CNGA4: variants seen among roughly 807,000 people sequenced by gnomAD.
The protein encoded by CNGA4 is cyclic nucleotide gated channel subunit alpha 4.
CNGA4 carries 32 observed loss-of-function variants against 45.6 expected under a neutral mutation model. That is an observed-to-expected ratio of 0.70 (90% CI 0.53 to 0.94). CNGA4 has a LOEUF of 0.94. CNGA4 is among the 40% of genes least tolerant of loss of function. The probability of loss-of-function intolerance (pLI) is 0.00; values close to 1 mark genes in which losing one functional copy is unlikely to be tolerated. For missense variants in CNGA4, 726 were observed against 755.1 expected, an observed-to-expected ratio of 0.96 and a Z score of 0.45; for synonymous variants, 293 against 304.6, an observed-to-expected ratio of 0.96 and a Z score of 0.40.
intron 5 of CNGA4, among the ~76,000 whole-genome samples, chr11:6,242,257 A>C (rs974048969): frequency 6.6e-6 from 1 of 152,098 alleles, no homozygotes. Context: ...AACGTCGCAC[A>C]GGTATACACA....
Position 6,244,332 on chromosome 11 carries a change from G to A in CNGA4, c.1651G>A (p.Glu551Lys), listed in dbSNP as rs1391998527. The change falls in exon 6 of 6, where the codon GAG becomes AAG. Residue 551 changes from glutamate (E) to lysine (K), a missense_variant. By Grantham distance (56) the Glu-to-Lys change is moderately conservative (BLOSUM62 1). Transcript: ENST00000379936. The surrounding 1 kb of genome is among the most constrained non-coding windows in gnomAD (Gnocchi z 4.5). Reference sequence around the variant, plus strand: ...CGAGGACCTGGCTGAGGCTGATGACGAGGGTGAGCCTGAGGAGGGAACTTC... The same window carrying A: ...CGAGGACCTGGCTGAGGCTGATGACAAGGGTGAGCCTGAGGAGGGAACTTC... The part of the protein sequence containing the change: ...MPEDLAEADD[E>K]GEPEEGTSKD... 9.9e-6 allele frequency: 16 copies of A among 1,614,126 alleles called. No individual in the cohort carries two copies. Among genetic ancestry groups the A allele is most frequent in the East Asian group, 8.9e-5 (4 of 44,872 alleles).
chr11:6,239,850 TAAG>T, intron 3 of CNGA4, 60 bp downstream of exon 3: 1 of 1,530,474 alleles, frequency 6.5e-7, no homozygotes, highest in Non-Finnish European at 8.9e-7. Flanking sequence ...GATAGCCACT[TAAG>T]AAGTAACAAG....
At chr11:6,236,494 G>A (rs1298671116), upstream of CNGA4, among the ~76,000 whole-genome samples, 4 of 152,104 alleles carry the variant, frequency 2.6e-5, no homozygotes, top group Non-Finnish European at 4.4e-5. Context: ...ATGATTGGGT[G>A]GATATAAGAG....
chr11:6,239,600 G>A, intron 2 of CNGA4, 84 bp from the exon 3 acceptor site: 4 of 1,555,804 alleles, frequency 2.6e-6, no homozygotes, highest in Non-Finnish European at 2.7e-6. Context: ...GGGAGGGCCT[G>A]AGGCAGAGGG....
chr11:6,237,111 G>A (rs192602419), upstream of CNGA4, among the ~76,000 whole-genome samples: 116 of 152,254 alleles, frequency 7.6e-4, no homozygotes, highest in African/African-American at 2.5e-3. Flanking sequence ...CAGACAACAC[G>A]CATTCCAAGA....
intron 5 of CNGA4, among the ~76,000 whole-genome samples, chr11:6,243,165 C>G (rs1458273543): frequency 6.6e-6 from 1 of 152,196 alleles, no homozygotes; most frequent in Admixed American, 6.5e-5. Context: ...CCCTCCTCCC[C>G]CTAGTTACCT....
At position 6,240,746 on chromosome 11, in the gene CNGA4, C is replaced by T. The variant is rs759205314; in HGVS notation, c.917+35C>T. 43 of 1,592,832 alleles carry T rather than the reference C, an allele frequency of 2.7e-5. No homozygotes were observed. The Admixed American group carries it at 6.8e-4, about 25-fold the overall frequency. The stretch of plus-strand genomic sequence containing the variant: ...CGGGGTTCCAGACCAGGACAGGGAC[C>T]AGTGTAGGTGATGGAACCTGAGGGA... On this transcript the variant is annotated intron_variant, in intron 4 of 5. Transcript: ENST00000379936. The surrounding 1 kb of genome is among the most constrained non-coding windows in gnomAD (Gnocchi z 4.9).
chr11:6,240,944 A>G lies in CNGA4; in HGVS notation c.917+233A>G, dbSNP rs960136917. ...ATAGGGAGAGGAGCTCATACTCAAA[A>G]AAGGATAATATGGAGACCAGGGAAT... is the stretch of plus-strand genomic sequence containing the variant. On this transcript the variant is annotated intron_variant, in intron 4 of 5. Transcript: ENST00000379936. This position sits in a 1 kb window ranked among gnomAD's most constrained non-coding sequence, Gnocchi z 4.9. Among the ~76,000 whole-genome samples, 5 of 152,154 alleles carry G rather than the reference A, an allele frequency of 3.3e-5. No individual in the cohort carries two copies. Among genetic ancestry groups the G allele is most frequent in the Non-Finnish European group, 7.4e-5 (5 of 68,022 alleles).
Position 6,244,416 on chromosome 11 carries a change from C to T in CNGA4, c.*7C>T, listed in dbSNP as rs1429548117. ...ACCCCCAGGTCCAGAGTGACCCCAT[C>T]CCCATCCCCAGGATTCCCACCTCCT... On this transcript the variant is annotated 3_prime_UTR_variant, in exon 6 of 6. Coordinates refer to ENST00000379936, the MANE Select transcript of CNGA4 (RefSeq NM_001037329.4). This position sits in a 1 kb window ranked among gnomAD's most constrained non-coding sequence, Gnocchi z 4.5. 2.5e-6 allele frequency: 4 copies of T among 1,599,344 alleles called. 1 individual carries two copies. The South Asian group carries it at 4.5e-5, about 18-fold the overall frequency.
upstream of CNGA4, chr11:6,238,931 C>A (rs565699681): frequency 3.5e-5 from 18 of 515,512 alleles, no homozygotes; most frequent in African/African-American, 3.1e-4. Context: ...GCATGCACCC[C>A]CACCTTCTCC....
At position 6,241,404 on chromosome 11, in the gene CNGA4, AG is replaced by A. The variant is rs750603615; in HGVS notation, c.918-25del. 8 of 1,536,038 alleles carry A rather than the reference AG, an allele frequency of 5.2e-6. No individual in the cohort carries two copies. In the Admixed American group the frequency reaches 1.5e-4, roughly 29 times the overall value. ...GAGGCAGGCACATAAAGGGCTGGTA[AG>A]GAAATGGCACTGTCCTTACTCTCAG... On this transcript the variant is annotated intron_variant, in intron 4 of 5. Transcript: ENST00000379936.
At position 6,240,575 on chromosome 11, in the gene CNGA4, A is replaced by G. The variant is rs1188385422; in HGVS notation, c.781A>G (p.Ile261Val). 1.2e-6 allele frequency: 2 copies of G among 1,614,122 alleles called. No individual in the cohort carries two copies. The change falls in exon 4 of 6, where the codon ATC (isoleucine) becomes GTC (valine). Residue 261 changes from isoleucine (I) to valine (V), a missense_variant. Physicochemically the swap from Ile to Val is conservative, Grantham distance 29. Coordinates refer to ENST00000379936, the MANE Select transcript of CNGA4 (RefSeq NM_001037329.4). The surrounding 1 kb of genome is among the most constrained non-coding windows in gnomAD (Gnocchi z 4.9). ...FLLAVMGFAT[I>V]MGSMSSVIYN... ...GCTGGCCGTCATGGGTTTCGCCACC[A>G]TCATGGGTAGCATGAGCTCTGTCAT... is the stretch of plus-strand genomic sequence containing the variant.
At chr11:6,242,587 A>G (rs969602428) in intron 5 of CNGA4, among the ~76,000 whole-genome samples, 6 of 152,112 alleles carry the variant, frequency 3.9e-5, no homozygotes, top group African/African-American at 1.2e-4. Context: ...CTGTCCTCCA[A>G]TGATCCCCTC....
upstream of CNGA4, among the ~76,000 whole-genome samples, chr11:6,238,316 A>G (rs1291477481): frequency 2.0e-5 from 3 of 152,170 alleles, no homozygotes; most frequent in South Asian, 2.1e-4. Context: ...TATTTAGCAC[A>G]ATATTGGCCT....
At position 6,240,650 on chromosome 11, in the gene CNGA4, G is replaced by C; in HGVS notation, c.856G>C (p.Val286Leu). ...GGCTTTCTACCCAGATCATGCACTGGTGAAGAAGTACATGAAGCTGCAGCA... is the reference window on the plus strand; with the variant it reads ...GGCTTTCTACCCAGATCATGCACTGCTGAAGAAGTACATGAAGCTGCAGCA... ...DAAFYPDHAL[V>L]KKYMKLQHVN... Residue 286 changes from valine (V) to leucine (L), a missense_variant, in exon 4 of 6, where the codon GTG (valine) becomes CTG (leucine). Coordinates refer to ENST00000379936, the MANE Select transcript of CNGA4 (RefSeq NM_001037329.4). The surrounding 1 kb of genome is among the most constrained non-coding windows in gnomAD (Gnocchi z 4.9). The C allele has an allele frequency of 6.2e-7, 1 of 1,614,198 alleles. No individual in the cohort carries two copies. The highest frequency in any genetic ancestry group is 8.5e-7 in the Non-Finnish European group (1 of 1,180,044).
At chr11:6,244,497 C>T (rs368068315), downstream of CNGA4, 52 of 1,237,846 alleles carry the variant, frequency 4.2e-5, no homozygotes, top group East Asian at 5.6e-5. The surrounding 1 kb of genome is among the most constrained non-coding windows in gnomAD (Gnocchi z 4.5). Flanking sequence ...ATCCTGTCTG[C>T]GAGATCACAG....
chr11:6,236,403 G>T (rs896168107), upstream of CNGA4, among the ~76,000 whole-genome samples: 1 of 152,224 alleles, frequency 6.6e-6, no homozygotes, highest in African/African-American at 2.4e-5. Context: ...GACCAAACAA[G>T]CTGATAAGGC....
intron 3 of CNGA4, 33 bp downstream of exon 3, chr11:6,239,823 C>T: frequency 6.3e-7 from 1 of 1,584,156 alleles, no homozygotes; most frequent in Non-Finnish European, 8.6e-7. Flanking sequence ...CCCTTTGTCC[C>T]ACATTCCCTT....
rs745347122 is a variant in CNGA4 at position 6,241,869 on chromosome 11, A to G, written c.1267+89A>G. The G allele has an allele frequency of 6.7e-6, 8 of 1,202,340 alleles. No individual in the cohort carries two copies. In the East Asian group the frequency reaches 1.9e-4, roughly 28 times the overall value. The allele number at this position is 1,202,340 out of a possible 1,614,324, so 74.5% of individuals were successfully genotyped here. ...CAGTGCTGGGACCAGATAGTACTTC[A>G]GGCCTAAACTTCTGATTGAGGAAAC... On this transcript the variant is annotated intron_variant, in intron 5 of 5. Coordinates refer to ENST00000379936, the MANE Select transcript of CNGA4 (RefSeq NM_001037329.4).
Sources: allele counts gnomAD v4.1 joint callset (sites outside exome capture counted in the v4.1 genomes callset), GRCh38; gene constraint gnomAD v4.1.1; non-coding constraint Gnocchi (gnomAD v3.1); transcripts MANE v1.5; gene names NCBI Gene and HGNC (gene_info 2026-07-23, HGNC 2026-07-21).